The following PPP2R5C variants were observed in gnomAD, a reference collection of about 807,000 sequenced individuals.
PPP2R5C encodes protein phosphatase 2 regulatory subunit B'gamma, also known as serine/threonine-protein phosphatase 2A 56 kDa regulatory subunit gamma isoform.
Under a neutral mutation model 68.9 loss-of-function variants are expected in PPP2R5C, and 7 were observed. The ratio of observed to expected loss-of-function variants is 0.10; its 90% CI spans 0.06 to 0.19. The LOEUF (loss-of-function observed/expected upper bound fraction) is 0.19. PPP2R5C is among the 10% of genes least tolerant of loss of function. PPP2R5C has a pLI of 1.00. For missense variants in PPP2R5C, 348 were observed against 641.3 expected, an observed-to-expected ratio of 0.54 and a Z score of 4.94; for synonymous variants, 210 against 222.2, an observed-to-expected ratio of 0.95 and a Z score of 0.49.
chr14:101,781,538 G>T lies in PPP2R5C; in HGVS notation c.94-4480G>T, dbSNP rs1240449405. On this transcript the variant is annotated intron_variant, in intron 2 of 14. Transcript: ENST00000328724. This position sits in a 1 kb window ranked among gnomAD's most constrained non-coding sequence, Gnocchi z 6.4. The stretch of plus-strand genomic sequence containing the variant: ...CTTGCCAGCCTGCGCCTTCCTGGGC[G>T]CCTGACGCACCCCTCTGCCCCAACC... Among the ~76,000 whole-genome samples, 1 of 150,862 alleles carries T rather than the reference G, an allele frequency of 6.6e-6. No individual in the cohort carries two copies. The highest frequency in any genetic ancestry group is 2.4e-5 in the African/African-American group (1 of 40,930).
intron 2 of PPP2R5C, among the ~76,000 whole-genome samples, chr14:101,867,377 C>G (rs951490229): frequency 6.6e-6 from 1 of 151,936 alleles, no homozygotes; most frequent in African/African-American, 2.4e-5. Context: ...CCACTGCACT[C>G]CTACCTGGGC....
At chr14:101,912,468 C>T in exon 12 of PPP2R5C, 1 of 1,601,570 alleles carries the variant, frequency 6.2e-7, no homozygotes, top group Non-Finnish European at 8.5e-7. Context: ...CAAAGCCAAT[C>T]CCCAGGTACT....
chr14:101,911,921 G>T (rs1476675074), intron 11 of PPP2R5C, among the ~76,000 whole-genome samples: 2 of 151,680 alleles, frequency 1.3e-5, no homozygotes, highest in Non-Finnish European at 1.5e-5. Context: ...TTAAGCGATT[G>T]AAAGTCATGT....
intron 3 of PPP2R5C, among the ~76,000 whole-genome samples, chr14:101,798,593 CA>C (rs1273347927): frequency 6.6e-6 from 1 of 151,986 alleles, no homozygotes; most frequent in Admixed American, 6.5e-5. Context: ...ACCTTGTCTC[CA>C]AAAAAATATG....
In PPP2R5C at chr14:101,817,235, C is replaced by T. The variant is rs925969581; in HGVS notation, c.94+7199C>T. ...CCTCCCAAAGTGCTGGGATTACAGGCGTGAGCCACTGCCCCAGGATGAGAA... is the reference window on the plus strand; with the variant it reads ...CCTCCCAAAGTGCTGGGATTACAGGTGTGAGCCACTGCCCCAGGATGAGAA... On this transcript the variant is annotated intron_variant, in intron 1 of 13. Coordinates refer to ENST00000334743, the Ensembl canonical transcript of PPP2R5C. 2.6e-5 allele frequency among the ~76,000 whole-genome samples: 4 copies of T among 151,976 alleles called. No homozygotes were observed. The East Asian group carries it at 7.7e-4, about 29-fold the overall frequency.
intron 10 of PPP2R5C, among the ~76,000 whole-genome samples, chr14:101,907,806 A>G (rs1566960897): frequency 6.6e-6 from 1 of 151,898 alleles, no homozygotes; most frequent in East Asian, 1.9e-4. Context: ...TCTCCCATGC[A>G]CCCTCTCTCC....
intron 1 of PPP2R5C, among the ~76,000 whole-genome samples, chr14:101,817,596 A>G (rs2140243427): frequency 6.6e-6 from 1 of 152,274 alleles, no homozygotes; most frequent in African/African-American, 2.4e-5. Flanking sequence ...AGAAGATAAG[A>G]TAAAACCAAA....
chr14:101,842,322 G>A (rs1008978144), intron 1 of PPP2R5C, among the ~76,000 whole-genome samples: 6 of 152,316 alleles, frequency 3.9e-5, no homozygotes, highest in Middle Eastern at 3.4e-3. Flanking sequence ...GTTTCCGGGT[G>A]CAGCCTGCCC....
At chr14:101,771,521 G>T (rs926823723) in intron 2 of PPP2R5C, among the ~76,000 whole-genome samples, 1 of 152,114 alleles carries the variant, frequency 6.6e-6, no homozygotes, top group Non-Finnish European at 1.5e-5. Context: ...ATGAGGTCAG[G>T]AGTCAAGACC....
At chr14:101,847,860 A>G (rs1244468963) in intron 1 of PPP2R5C, among the ~76,000 whole-genome samples, 1 of 151,974 alleles carries the variant, frequency 6.6e-6, no homozygotes, top group Non-Finnish European at 1.5e-5. Flanking sequence ...ACGGGGTTTC[A>G]CCATGTTGGC....
intron 1 of PPP2R5C, among the ~76,000 whole-genome samples, chr14:101,828,584 A>G (rs1351473001): frequency 1.3e-5 from 2 of 151,966 alleles, no homozygotes; most frequent in Admixed American, 6.6e-5. Context: ...GTTTCTAAGT[A>G]TGATCATTAG....
At chr14:101,925,669 A>T (rs1428415239) in exon 14 of PPP2R5C, 1 of 157,648 alleles carries the variant, frequency 6.3e-6, no homozygotes, top group Admixed American at 6.4e-5. Flanking sequence ...CGCTTTAAAA[A>T]ATAGGACCTA....
chr14:101,816,269 C>G (rs1394421809), intron 1 of PPP2R5C, among the ~76,000 whole-genome samples: 1 of 152,190 alleles, frequency 6.6e-6, no homozygotes, highest in African/African-American at 2.4e-5. Flanking sequence ...CCCTGTCACA[C>G]TGGAAATAGG....
At position 101,797,134 on chromosome 14, in the gene PPP2R5C, G is replaced by C. The variant is rs1370867477; in HGVS notation, c.259+10951G>C. 6 of 455,862 alleles carry C rather than the reference G, an allele frequency of 1.3e-5. No homozygotes were observed. The highest frequency in any genetic ancestry group is 2.2e-5 in the Non-Finnish European group (5 of 226,712). The allele number at this position is 455,862 out of a possible 1,614,324, so 28.2% of individuals were successfully genotyped here. A position where few individuals can be genotyped will look rare whatever the true frequency, so the allele number is the denominator to read the frequency against. ...GTCTCTATGATTTTGCCCACAGTAG[G>C]AGCCTCTTAGAAGCGGAATCGTACA... On this transcript the variant is annotated intron_variant, in intron 3 of 14. Transcript: ENST00000328724. The surrounding 1 kb of genome is among the most constrained non-coding windows in gnomAD (Gnocchi z 4.2).
chr14:101,831,811 G>A (rs776158115), intron 1 of PPP2R5C: 21 of 700,158 alleles, frequency 3.0e-5, no homozygotes, highest in Non-Finnish European at 4.2e-5. Flanking sequence ...TTGGGTAAGC[G>A]TGGTGGTCCT....
chr14:101,918,523 C>T (rs1290579061), intron 13 of PPP2R5C, among the ~76,000 whole-genome samples: 3 of 26,834 alleles, frequency 1.1e-4, no homozygotes, highest in African/African-American at 5.7e-4. Context: ...CCTCGCCCCC[C>T]TCATCCCCCT....
intron 2 of PPP2R5C, among the ~76,000 whole-genome samples, chr14:101,783,828 G>C (rs987412028): frequency 2.0e-5 from 3 of 152,202 alleles, no homozygotes; most frequent in Non-Finnish European, 2.9e-5. Context: ...TTATCTACTG[G>C]AACACGCACG....
chr14:101,772,790 C>T (rs1374642454), intron 2 of PPP2R5C, among the ~76,000 whole-genome samples: 1 of 151,994 alleles, frequency 6.6e-6, no homozygotes. Flanking sequence ...AATGCAACTC[C>T]GCCTCAAAAA....
intron 1 of PPP2R5C, chr14:101,836,295 T>C (rs1341110670): frequency 1.4e-6 from 1 of 702,798 alleles, no homozygotes; most frequent in East Asian, 2.7e-5. Flanking sequence ...CCCCAAAGCA[T>C]GGACGGAGCT....
Sources: allele counts gnomAD v4.1 joint callset (sites outside exome capture counted in the v4.1 genomes callset), GRCh38; gene constraint gnomAD v4.1.1; non-coding constraint Gnocchi (gnomAD v3.1); transcripts MANE v1.5; gene names NCBI Gene and HGNC (gene_info 2026-07-23, HGNC 2026-07-21).